The following CCDC175 variants were observed in gnomAD, a reference collection of about 807,000 sequenced individuals.
CCDC175 encodes the protein coiled-coil domain containing 175.
In CCDC175, 100 loss-of-function variants were observed where a neutral mutation model predicts 114.6. That is an observed-to-expected ratio of 0.87 (90% CI 0.74 to 1.03). The LOEUF (loss-of-function observed/expected upper bound fraction) is 1.03, where lower values mean the gene tolerates loss of function less well. Among genes scored for constraint, CCDC175 ranks in the 50% least tolerant of loss-of-function variants. CCDC175 has a pLI of 0.00. For synonymous variants in CCDC175, 306 were observed against 308.7 expected (o/e 0.99, Z 0.09); for missense variants, 880 against 917.8 (o/e 0.96, Z 0.53).
intron 17 of CCDC175, among the ~76,000 whole-genome samples, chr14:59,518,221 G>C (rs1893217423): frequency 6.6e-6 from 1 of 152,140 alleles, no homozygotes; most frequent in African/African-American, 2.4e-5. Context: ...AAAAACCCTA[G>C]AAGAAAACCT....
chr14:59,555,247 A>G (rs965230098), intron 7 of CCDC175, among the ~76,000 whole-genome samples: 2 of 152,224 alleles, frequency 1.3e-5, no homozygotes, highest in African/African-American at 2.4e-5. Flanking sequence ...CCAGCAGCAC[A>G]TCAAAAAGCT....
chr14:59,506,357 G>A (rs980436208), intron 19 of CCDC175, among the ~76,000 whole-genome samples: 1 of 149,002 alleles, frequency 6.7e-6, no homozygotes, highest in South Asian at 2.1e-4. Context: ...ATGCGATCTC[G>A]GCTCACTGCA....
chr14:59,534,006 A>G (rs1894244964), intron 13 of CCDC175, among the ~76,000 whole-genome samples: 1 of 150,054 alleles, frequency 6.7e-6, no homozygotes, highest in African/African-American at 2.4e-5. Context: ...AAAAAAAAAA[A>G]GAAACGCAAT....
intron 7 of CCDC175, among the ~76,000 whole-genome samples, chr14:59,555,900 A>C (rs1226838979): frequency 6.6e-6 from 1 of 152,214 alleles, no homozygotes; most frequent in Non-Finnish European, 1.5e-5. Context: ...TAGGAATCCA[A>C]CTTACAAGGG....
At chr14:59,508,420 A>ACACACACACC (rs1892558959) in intron 19 of CCDC175, among the ~76,000 whole-genome samples, 1 of 149,864 alleles carries the variant, frequency 6.7e-6, no homozygotes, top group Admixed American at 6.7e-5. Context: ...ACACACACAC[A>ACACACACACC]CACACACACA....
intron 16 of CCDC175, among the ~76,000 whole-genome samples, chr14:59,523,567 T>C (rs1893544472): frequency 6.6e-6 from 1 of 152,222 alleles, no homozygotes; most frequent in African/African-American, 2.4e-5. Context: ...TGAATCCCTC[T>C]AACATTACAG....
At position 59,545,292 on chromosome 14, in the gene CCDC175, TC is replaced by T; in HGVS notation, c.1042del (p.Glu348LysfsTer17). 1 of 1,536,502 alleles carries T rather than the reference TC, an allele frequency of 6.5e-7. No individual in the cohort carries two copies. Among genetic ancestry groups the T allele is most frequent in the Non-Finnish European group, 8.7e-7 (1 of 1,146,616 alleles). Reference protein sequence around the residue: ...EFLNKIKQLVETLHAARMEYK... With the variant: ...EFLNKIKQLVXTLHAARMEYK... Reference sequence around the variant, plus strand: ...TTCCATACGAGCAGCATGCAGTGTTTCAACCAGCTAGAGAAAAACAAAGGAG... The same window carrying T: ...TTCCATACGAGCAGCATGCAGTGTTTAACCAGCTAGAGAAAAACAAAGGAG... On this transcript the variant is annotated frameshift_variant, in exon 9 of 20. Coordinates refer to ENST00000537690, the MANE Select transcript of CCDC175 (RefSeq NM_001164399.2). LOFTEE classifies it high-confidence loss of function.
intron 8 of CCDC175, among the ~76,000 whole-genome samples, chr14:59,547,524 A>G (rs1006031593): frequency 6.6e-6 from 1 of 152,242 alleles, no homozygotes; most frequent in Non-Finnish European, 1.5e-5. Flanking sequence ...AAATGAATAG[A>G]GTCAACAATC....
rs74482169 is a variant in CCDC175, at chr14:59,512,381, G to A, written c.2099-578C>T. The stretch of plus-strand genomic sequence containing the variant: ...TGCCCGCATGACTGACCATCTTCCC[G>A]CCCCATAAGTACTCTGGACACTCAA... On this transcript the variant is annotated intron_variant, in intron 17 of 19. Coordinates refer to ENST00000537690, the MANE Select transcript of CCDC175 (RefSeq NM_001164399.2). Among the ~76,000 whole-genome samples, 1,483 of 152,208 alleles carry A rather than the reference G, an allele frequency of 9.7e-3. 24 individuals are homozygous for A. Among genetic ancestry groups the A allele is most frequent in the African/African-American group, 0.033 (1,382 of 41,514 alleles).
chr14:59,516,336 A>T (rs1893084182), intron 17 of CCDC175, among the ~76,000 whole-genome samples: 3 of 152,226 alleles, frequency 2.0e-5, no homozygotes, highest in Admixed American at 6.5e-5. Flanking sequence ...ACTGAAGGAA[A>T]TAGAGACTCA....
intron 17 of CCDC175, among the ~76,000 whole-genome samples, chr14:59,518,603 CA>C (rs1893244612): frequency 6.6e-6 from 1 of 152,112 alleles, no homozygotes; most frequent in African/African-American, 2.4e-5. Flanking sequence ...AAATGCAAAT[CA>C]AAACCACAAT....
At chr14:59,535,646 A>G (rs1455625617) in intron 13 of CCDC175, among the ~76,000 whole-genome samples, 2 of 152,184 alleles carry the variant, frequency 1.3e-5, no homozygotes, top group Admixed American at 1.3e-4. Context: ...TCCACTCAAC[A>G]TAGAAGCTAG....
rs1566589253 is a variant in CCDC175, at chr14:59,507,893, CA to C, written c.2306-2579del. Among the ~76,000 whole-genome samples the C allele has an allele frequency of 5.9e-5, 9 of 152,322 alleles. No homozygotes were observed. In the East Asian group the frequency reaches 1.5e-3, roughly 26 times the overall value. The stretch of plus-strand genomic sequence containing the variant: ...GGCCTGTGGGATGTGACCAACTCAG[CA>C]TTCCGCTGGAGGCTATATGACCAAA... On this transcript the variant is annotated intron_variant, in intron 19 of 19. Coordinates refer to ENST00000537690, the MANE Select transcript of CCDC175 (RefSeq NM_001164399.2).
intron 17 of CCDC175, among the ~76,000 whole-genome samples, chr14:59,513,535 G>A (rs1892872490): frequency 6.6e-6 from 1 of 152,194 alleles, no homozygotes; most frequent in African/African-American, 2.4e-5. Context: ...TGCCTGGCTT[G>A]GAGGGTCCTA....
chr14:59,519,615 T>A (rs970817823), intron 17 of CCDC175, among the ~76,000 whole-genome samples: 1 of 152,070 alleles, frequency 6.6e-6, no homozygotes, highest in Admixed American at 6.5e-5. Context: ...CACAAAGCAA[T>A]GAGTAAAAGA....
chr14:59,507,801 G>C (rs1040094548), intron 19 of CCDC175, among the ~76,000 whole-genome samples: 8 of 152,184 alleles, frequency 5.3e-5, no homozygotes, highest in Non-Finnish European at 1.2e-4. Context: ...CTGAGGAGTG[G>C]AGGTTAGATA....
chr14:59,550,054 G>A (rs1242698272), intron 8 of CCDC175, among the ~76,000 whole-genome samples: 1 of 152,032 alleles, frequency 6.6e-6, no homozygotes, highest in Non-Finnish European at 1.5e-5. Context: ...GGGACTACAG[G>A]TGCACACCAC....
intron 13 of CCDC175, 99 bp downstream of exon 13, chr14:59,537,924 T>G: frequency 1.3e-6 from 1 of 798,108 alleles, no homozygotes; most frequent in South Asian, 2.6e-5. Context: ...ACTAGAATAT[T>G]TATTTTACAT....
At chr14:59,545,098 T>C in intron 9 of CCDC175, 65 bp downstream of exon 9, 7 of 1,440,564 alleles carry the variant, frequency 4.9e-6, no homozygotes, top group Non-Finnish European at 6.5e-6. Context: ...AGCCACCACT[T>C]TGATAGCAAG....
Sources: gnomAD v4.1 joint callset for allele counts (sites outside exome capture counted in the v4.1 genomes callset) on GRCh38, gnomAD v4.1.1 for gene constraint, MANE v1.5 for transcripts, NCBI Gene and HGNC (gene_info 2026-07-23, HGNC 2026-07-21) for gene names.